Variants in UBE2H observed in about 807,000 individuals in gnomAD.
UBE2H encodes ubiquitin conjugating enzyme E2 H.
In UBE2H, 3 loss-of-function variants were observed where a neutral mutation model predicts 29.0. The observed-to-expected ratio is 0.10, with a 90% CI of 0.05 to 0.27. UBE2H has a LOEUF of 0.27. Ranked by LOEUF, UBE2H falls within the 10% of genes least tolerant of loss-of-function variation. The pLI, the probability that UBE2H is intolerant of heterozygous loss-of-function variation, is 1.00. For missense variants in UBE2H, 68 were observed against 228.2 expected (o/e 0.30, Z 4.52); for synonymous variants, 69 against 82.9 (o/e 0.83, Z 0.91).
chr7:129,882,459 G>C, intron 1 of UBE2H, among the ~76,000 whole-genome samples: 2 of 152,284 alleles, frequency 1.3e-5, no homozygotes, highest in Middle Eastern at 6.8e-3. Flanking sequence ...CTCCAAGCCC[G>C]TGTCCAATGA....
At chr7:129,946,733 T>C (rs914100108) in intron 1 of UBE2H, among the ~76,000 whole-genome samples, 2 of 152,212 alleles carry the variant, frequency 1.3e-5, no homozygotes, top group Admixed American at 6.5e-5. Flanking sequence ...GTTTGAGAAC[T>C]ACTGTTTAAA....
At chr7:129,844,596 C>T (rs1805480866) in intron 5 of UBE2H, among the ~76,000 whole-genome samples, 1 of 152,060 alleles carries the variant, frequency 6.6e-6, no homozygotes, top group Admixed American at 6.6e-5. Flanking sequence ...TACAGTTGAC[C>T]TAAACCTGTA....
chr7:129,892,112 C>CA (rs1318936257), intron 1 of UBE2H, among the ~76,000 whole-genome samples: 2 of 151,986 alleles, frequency 1.3e-5, no homozygotes, highest in African/African-American at 2.4e-5. Flanking sequence ...GCCACCAGGC[C>CA]AAGCTAATTT....
intron 1 of UBE2H, among the ~76,000 whole-genome samples, chr7:129,944,110 A>T (rs1237179556): frequency 8.6e-6 from 1 of 115,810 alleles, no homozygotes; most frequent in Admixed American, 9.2e-5. Context: ...TAATCCCAGC[A>T]CTTTGGGAGG....
intron 1 of UBE2H, among the ~76,000 whole-genome samples, chr7:129,921,572 G>A (rs1036578516): frequency 2.0e-5 from 3 of 151,636 alleles, no homozygotes; most frequent in Non-Finnish European, 2.9e-5. Flanking sequence ...GGTGGCACAC[G>A]TCTGTGGTCC....
At chr7:129,926,508 C>CAA (rs535498835) in intron 1 of UBE2H, among the ~76,000 whole-genome samples, 3 of 124,952 alleles carry the variant, frequency 2.4e-5, no homozygotes, top group Non-Finnish European at 5.0e-5. Flanking sequence ...AACTCCGTCT[C>CAA]AAAAAAAAAA....
intron 1 of UBE2H, among the ~76,000 whole-genome samples, chr7:129,890,674 C>G (rs776131641): frequency 6.6e-6 from 1 of 152,000 alleles, no homozygotes; most frequent in Non-Finnish European, 1.5e-5. Flanking sequence ...GCCCAGCCAA[C>G]GGTGATACTA....
chr7:129,920,977 ACCT>A (rs1807150111), intron 1 of UBE2H, among the ~76,000 whole-genome samples: 1 of 146,230 alleles, frequency 6.8e-6, no homozygotes, highest in African/African-American at 2.5e-5. Flanking sequence ...AACCTGGACA[ACCT>A]ATCAAGACTC....
At chr7:129,933,045 T>G (rs1807442155) in intron 1 of UBE2H, among the ~76,000 whole-genome samples, 1 of 152,196 alleles carries the variant, frequency 6.6e-6, no homozygotes, top group South Asian at 2.1e-4. Flanking sequence ...AAAGCTATAC[T>G]TATGTGTATA....
chr7:129,923,089 A>C (rs562727935), intron 1 of UBE2H, among the ~76,000 whole-genome samples: 36 of 151,908 alleles, frequency 2.4e-4, no homozygotes, highest in Non-Finnish European at 3.7e-4. Context: ...TTTAGTAGAG[A>C]CAGGGTTCCA....
At chr7:129,845,907 GAT>G (rs1805503030) in intron 5 of UBE2H, among the ~76,000 whole-genome samples, 1 of 152,134 alleles carries the variant, frequency 6.6e-6, no homozygotes, top group Non-Finnish European at 1.5e-5. Flanking sequence ...GTGACTATAA[GAT>G]ATACTTCAAA....
intron 1 of UBE2H, among the ~76,000 whole-genome samples, chr7:129,885,189 G>A (rs1263525294): frequency 1.3e-5 from 2 of 152,162 alleles, no homozygotes; most frequent in East Asian, 3.8e-4. Flanking sequence ...TCCAGAAGAA[G>A]TCAACTGAAT....
At chr7:129,837,089 C>T (rs1805345021) in intron 6 of UBE2H, among the ~76,000 whole-genome samples, 1 of 152,102 alleles carries the variant, frequency 6.6e-6, no homozygotes, top group South Asian at 2.1e-4. Context: ...TACTATAATA[C>T]AGCGCCAACT....
chr7:129,846,346 A>AAATAATAATAATAATAAT (rs71175044), intron 5 of UBE2H, among the ~76,000 whole-genome samples: 1 of 146,328 alleles, frequency 6.8e-6, no homozygotes, highest in African/African-American at 2.5e-5. Flanking sequence ...GGTCTCTACA[A>AAATAATAATAATAATAAT]AATAATAATA....
At position 129,924,109 on chromosome 7, in the gene UBE2H, C is replaced by A. The variant is rs1388470442; in HGVS notation, c.53+28394G>T. On this transcript the variant is annotated intron_variant, in intron 1 of 6. Transcript: ENST00000355621. ...CCTTCAGGATGGGCATGGTGGTTCA[C>A]ACTTGCAATCCTAGCACTTCAGGAG... Among the ~76,000 whole-genome samples the A allele has an allele frequency of 2.0e-5, 3 of 152,230 alleles. No individual in the cohort carries two copies. The East Asian group carries it at 5.8e-4, about 29-fold the overall frequency.
intron 3 of UBE2H, among the ~76,000 whole-genome samples, chr7:129,868,653 C>A (rs1431815616): frequency 1.4e-5 from 2 of 146,956 alleles, no homozygotes; most frequent in Non-Finnish European, 3.0e-5. Flanking sequence ...CAAGCATATG[C>A]AAAAGCAGGG....
chr7:129,878,307 G>A (rs1054097335), intron 3 of UBE2H, among the ~76,000 whole-genome samples: 10 of 152,116 alleles, frequency 6.6e-5, no homozygotes, highest in Non-Finnish European at 1.5e-4. Flanking sequence ...TAGCAAGAAA[G>A]AAATTTCTGA....
intron 1 of UBE2H, among the ~76,000 whole-genome samples, chr7:129,904,296 TTAAA>T (rs1373378249): frequency 2.0e-5 from 3 of 152,122 alleles, no homozygotes; most frequent in African/African-American, 7.2e-5. Flanking sequence ...TTTTTTTTTT[TTAAA>T]TAGAGATGGG....
Position 129,952,815 on chromosome 7 carries a change from G to C in UBE2H, c.-260C>G. On this transcript the variant is annotated 5_prime_UTR_variant, in exon 1 of 7. Transcript: ENST00000355621. ...GTGGTTCCGCCGCGGCCCTGCCCCG[G>C]CGCTCCTCTGCGCCGCGCGACGCTC... The C allele has an allele frequency of 7.0e-6, 2 of 285,122 alleles. No homozygotes were observed. The highest frequency in any genetic ancestry group is 1.3e-5 in the Non-Finnish European group (2 of 155,072). 17.7% of individuals were successfully genotyped at this position (285,122 alleles called of 1,614,324 possible).
Sources: allele counts gnomAD v4.1 joint callset (sites outside exome capture counted in the v4.1 genomes callset), GRCh38; gene constraint gnomAD v4.1.1; transcripts MANE v1.5; gene names NCBI Gene and HGNC (gene_info 2026-07-23, HGNC 2026-07-21).